Variants in EYS observed in about 807,000 individuals in gnomAD.
EYS encodes EGF-like photoreceptor maintenance factor.
EYS carries 250 observed loss-of-function variants against 282.1 expected under a neutral mutation model. That is an observed-to-expected ratio of 0.89 (90% CI 0.80 to 0.98). The LOEUF is 0.98. Among genes scored for constraint, EYS ranks in the 50% least tolerant of loss-of-function variants. The probability of loss-of-function intolerance (pLI) is 0.00; values close to 1 mark genes in which losing one functional copy is unlikely to be tolerated. For missense variants in EYS, 4,016 were observed against 3,709.0 expected (o/e 1.08, Z -2.15); for synonymous variants, 1,355 against 1,282.9 (o/e 1.06, Z -1.20).
At chr6:64,366,306 C>G (rs965012775) in intron 29 of EYS, among the ~76,000 whole-genome samples, 6 of 152,000 alleles carry the variant, frequency 3.9e-5, no homozygotes, top group Admixed American at 2.0e-4. Flanking sequence ...AAAAAGGGAG[C>G]TACCATGTAA....
rs190255890 is a variant in EYS, at chr6:63,934,642, C to T, written c.7055+49741G>A. Among the ~76,000 whole-genome samples, 302 of 151,476 alleles carry T rather than the reference C, an allele frequency of 2.0e-3. 2 individuals are homozygous for T. Among genetic ancestry groups the T allele is most frequent in the Non-Finnish European group, 6.6e-4 (45 of 67,966 alleles). On this transcript the variant is annotated intron_variant, in intron 35 of 42. Coordinates refer to ENST00000503581, the MANE Select transcript of EYS (RefSeq NM_001142800.2). Reference sequence around the variant, plus strand: ...GAAACCATCATTCTCAGCAAACTATCGCAAGGACAAAAAACCAAACACTGC... The same window carrying T: ...GAAACCATCATTCTCAGCAAACTATTGCAAGGACAAAAAACCAAACACTGC...
At position 64,506,992 on chromosome 6, in the gene EYS, T is replaced by C. The variant is rs558006825; in HGVS notation, c.5645-67640A>G. On this transcript the variant is annotated intron_variant, in intron 26 of 42. Coordinates refer to ENST00000503581, the MANE Select transcript of EYS (RefSeq NM_001142800.2). ...TTCAGTTTTTTTTTTTTTTTTGAGA[T>C]GGAGTCTCGCTCTGGAATATGAAAA... is the stretch of plus-strand genomic sequence containing the variant. Among the ~76,000 whole-genome samples, 3 of 145,472 alleles carry C rather than the reference T, an allele frequency of 2.1e-5. No individual in the cohort carries two copies. In the East Asian group the frequency reaches 6.3e-4, roughly 31 times the overall value.
chr6:64,651,342 A>G (rs1454112004), intron 22 of EYS, among the ~76,000 whole-genome samples: 5 of 152,222 alleles, frequency 3.3e-5, no homozygotes, highest in Admixed American at 1.3e-4. Context: ...ATCTGTATAT[A>G]TGTGCAGTTC....
intron 24 of EYS, among the ~76,000 whole-genome samples, chr6:64,598,270 C>G (rs561375048): frequency 6.6e-6 from 1 of 152,188 alleles, no homozygotes; most frequent in Non-Finnish European, 1.5e-5. Flanking sequence ...ACCATCCTTG[C>G]TAACACGGTG....
At chr6:64,470,254 C>T (rs907051079) in intron 26 of EYS, among the ~76,000 whole-genome samples, 1 of 152,032 alleles carries the variant, frequency 6.6e-6, no homozygotes, top group Non-Finnish European at 1.5e-5. Context: ...CCCATGGACC[C>T]TGTGGGGCTG....
At chr6:64,189,360 GA>G (rs1262470556) in intron 31 of EYS, among the ~76,000 whole-genome samples, 1 of 151,752 alleles carries the variant, frequency 6.6e-6, no homozygotes, top group Non-Finnish European at 1.5e-5. Flanking sequence ...GGATGTTTGG[GA>G]AAAAAAATCA....
At chr6:64,446,002 T>G (rs1017879633) in intron 26 of EYS, among the ~76,000 whole-genome samples, 4 of 152,226 alleles carry the variant, frequency 2.6e-5, no homozygotes, top group African/African-American at 9.6e-5. Context: ...GATTAAAGAC[T>G]TAAGATACAC....
At chr6:65,179,611 G>A (rs1204045792) in intron 12 of EYS, among the ~76,000 whole-genome samples, 3 of 152,014 alleles carry the variant, frequency 2.0e-5, no homozygotes, top group East Asian at 1.9e-4. Context: ...ATTCACAGCC[G>A]AATTCTACCA....
At chr6:64,563,456 A>G (rs536966248) in intron 26 of EYS, among the ~76,000 whole-genome samples, 11 of 152,224 alleles carry the variant, frequency 7.2e-5, no homozygotes, top group Middle Eastern at 3.4e-3. Context: ...CAAAATTCTG[A>G]CACCAAATTT....
intron 22 of EYS, among the ~76,000 whole-genome samples, chr6:64,649,437 A>T (rs1461088562): frequency 6.6e-6 from 1 of 151,892 alleles, no homozygotes; most frequent in Non-Finnish European, 1.5e-5. Flanking sequence ...TCCAGGGTTC[A>T]AGCGATTCTC....
chr6:65,002,199 T>C lies in EYS; in HGVS notation c.2138-4496A>G. 1.4e-5 allele frequency among the ~76,000 whole-genome samples: 2 copies of C among 147,552 alleles called. 1 individual carries two copies. Among genetic ancestry groups the C allele is most frequent in the Non-Finnish European group, 3.0e-5 (2 of 66,000 alleles). On this transcript the variant is annotated intron_variant, in intron 13 of 42. Coordinates refer to ENST00000503581, the MANE Select transcript of EYS (RefSeq NM_001142800.2). Reference sequence around the variant, plus strand: ...ATGCGATATTTTAAAATGACATGAATCTTTTTTAAGTATCATTCCTCACCA... The same window carrying C: ...ATGCGATATTTTAAAATGACATGAACCTTTTTTAAGTATCATTCCTCACCA...
chr6:63,889,651 G>A (rs1180134738), intron 35 of EYS, among the ~76,000 whole-genome samples: 1 of 151,534 alleles, frequency 6.6e-6, no homozygotes, highest in African/African-American at 2.4e-5. Context: ...AAACTGGTAC[G>A]AGCCACAGCA....
chr6:64,582,235 T>A lies in EYS; in HGVS notation c.5644+7988A>T, dbSNP rs186835714. On this transcript the variant is annotated intron_variant, in intron 26 of 42. Coordinates refer to ENST00000503581, the MANE Select transcript of EYS (RefSeq NM_001142800.2). The stretch of plus-strand genomic sequence containing the variant: ...GTCTGTGGCCTGTTAGGAACTGGGC[T>A]GCATAGCAGGAGGTGAGCCTCCTAT... 2.7e-3 allele frequency among the ~76,000 whole-genome samples: 410 copies of A among 152,272 alleles called. 1 individual carries two copies. The Middle Eastern group carries it at 0.044, about 16-fold the overall frequency.
intron 1 of EYS, among the ~76,000 whole-genome samples, chr6:65,690,715 T>C (rs1166422090): frequency 6.7e-6 from 1 of 150,206 alleles, no homozygotes; most frequent in African/African-American, 2.4e-5. Context: ...TTTCTCCTAA[T>C]GCTATCCCTC....
At chr6:65,279,186 C>T (rs1221834013) in intron 12 of EYS, among the ~76,000 whole-genome samples, 1 of 149,686 alleles carries the variant, frequency 6.7e-6, no homozygotes, top group Non-Finnish European at 1.5e-5. Flanking sequence ...GAGGCTCTGG[C>T]TCTATAAAAA....
chr6:64,509,094 T>C (rs2150517568), intron 26 of EYS, among the ~76,000 whole-genome samples: 2 of 152,288 alleles, frequency 1.3e-5, no homozygotes, highest in South Asian at 4.1e-4. Flanking sequence ...AAGAAAAATG[T>C]TAGTTTTAAA....
chr6:65,585,266 T>C (rs1422739771), intron 2 of EYS, among the ~76,000 whole-genome samples: 1 of 151,954 alleles, frequency 6.6e-6, no homozygotes, highest in Non-Finnish European at 1.5e-5. Flanking sequence ...ACCAAAGTTA[T>C]AGCTCTTTCG....
intron 30 of EYS, among the ~76,000 whole-genome samples, chr6:64,244,266 T>C (rs1397818567): frequency 6.6e-6 from 1 of 152,190 alleles, no homozygotes; most frequent in African/African-American, 2.4e-5. Context: ...ATAATGGATG[T>C]TGGTCCATTT....
At chr6:65,089,467 C>T (rs1200031045) in intron 12 of EYS, among the ~76,000 whole-genome samples, 1 of 152,066 alleles carries the variant, frequency 6.6e-6, no homozygotes, top group African/African-American at 2.4e-5. Context: ...TTGCTTGAGG[C>T]CTGGAGCCCC....
Sources: gnomAD v4.1 joint callset for allele counts (sites outside exome capture counted in the v4.1 genomes callset) on GRCh38, gnomAD v4.1.1 for gene constraint, MANE v1.5 for transcripts, NCBI Gene and HGNC (gene_info 2026-07-23, HGNC 2026-07-21) for gene names.